The following GOLGA1 variants were observed in gnomAD, a reference collection of about 807,000 sequenced individuals.
GOLGA1 encodes the protein golgin subfamily A member 1.
In GOLGA1, 63 loss-of-function variants were observed where a neutral mutation model predicts 119.7. The ratio of observed to expected loss-of-function variants is 0.53; its 90% CI spans 0.43 to 0.65. The LOEUF (loss-of-function observed/expected upper bound fraction) is 0.65, where lower values mean the gene tolerates loss of function less well. GOLGA1 is among the 30% of genes least tolerant of loss of function. GOLGA1 has a pLI of 0.00. For missense variants in GOLGA1, 798 were observed against 912.8 expected (o/e 0.87, Z 1.62); for synonymous variants, 318 against 333.4 (o/e 0.95, Z 0.50).
chr9:124,901,301 T>TCACTCTGTCATCAGGCTGGAGTGC (rs1425173403), intron 12 of GOLGA1, among the ~76,000 whole-genome samples: 1 of 145,338 alleles, frequency 6.9e-6, no homozygotes. Flanking sequence ...AGATGGAGTG[T>TCACTCTGTCATCAGGCTGGAGTGC]CACTCTGTCA....
chr9:124,931,920 T>C (rs149811796), intron 3 of GOLGA1, among the ~76,000 whole-genome samples: 78 of 152,304 alleles, frequency 5.1e-4, no homozygotes, highest in African/African-American at 1.6e-3. Flanking sequence ...CAAACCAATA[T>C]ATTAATGAGG....
intron 15 of GOLGA1, among the ~76,000 whole-genome samples, chr9:124,896,540 A>G (rs896521019): frequency 2.6e-5 from 4 of 152,250 alleles, no homozygotes; most frequent in Non-Finnish European, 5.9e-5. Context: ...AAAGTCTCCT[A>G]AACAGTCTTC....
intron 12 of GOLGA1, among the ~76,000 whole-genome samples, chr9:124,906,044 C>T (rs540667596): frequency 1.3e-5 from 2 of 151,594 alleles, no homozygotes; most frequent in South Asian, 4.2e-4. Flanking sequence ...ACCTGGGAGG[C>T]GGAGGTTGCA....
intron 15 of GOLGA1, among the ~76,000 whole-genome samples, chr9:124,891,821 T>C (rs898276817): frequency 6.6e-6 from 1 of 151,640 alleles, no homozygotes; most frequent in Non-Finnish European, 1.5e-5. Flanking sequence ...ATTTTTGTAT[T>C]TTTAGTAGAG....
At chr9:124,900,754 T>C (rs1335583687) in intron 12 of GOLGA1, among the ~76,000 whole-genome samples, 3 of 152,366 alleles carry the variant, frequency 2.0e-5, no homozygotes, top group African/African-American at 7.2e-5. Context: ...CTTTTGTTTA[T>C]AGCTTTATAT....
upstream of GOLGA1, chr9:124,943,743 T>C (rs527267506): frequency 3.3e-5 from 5 of 152,320 alleles, no homozygotes; most frequent in African/African-American, 1.2e-4. Context: ...ACATAACTTA[T>C]TTTAACTCCT....
rs1438377793 is a variant in GOLGA1, at chr9:124,897,275, T to C, written c.1407+1274A>G. Among the ~76,000 whole-genome samples the C allele has an allele frequency of 2.0e-5, 3 of 152,360 alleles. No homozygotes were observed. The East Asian group carries it at 5.8e-4, about 29-fold the overall frequency. On this transcript the variant is annotated intron_variant, in intron 15 of 22. Coordinates refer to ENST00000373555, the MANE Select transcript of GOLGA1 (RefSeq NM_002077.4). ...CATTTATTGTTAATTTGTAACTTGG[T>C]TACCATCTCTAGTTACAAACTCCAC... is the stretch of plus-strand genomic sequence containing the variant.
At chr9:124,914,480 G>A (rs1001713282) in intron 10 of GOLGA1, among the ~76,000 whole-genome samples, 10 of 151,910 alleles carry the variant, frequency 6.6e-5, no homozygotes, top group Admixed American at 6.6e-4. Context: ...CAGCCTGAGC[G>A]AGGAGCGACA....
chr9:124,883,288 CCTT>C lies in GOLGA1; in HGVS notation c.1906-722_1906-720del, dbSNP rs1399351299. On this transcript the variant is annotated intron_variant, in intron 19 of 22. Coordinates refer to ENST00000373555, the MANE Select transcript of GOLGA1 (RefSeq NM_002077.4). The stretch of plus-strand genomic sequence containing the variant: ...ATTTTTGTCTTTTTCTTCTTCTTCT[CCTT>C]CTTTTTTTTTTAAGATGGAGTTTCA... 6.7e-5 allele frequency among the ~76,000 whole-genome samples: 10 copies of C among 148,582 alleles called. No homozygotes were observed. The South Asian group carries it at 8.6e-4, about 13-fold the overall frequency.
intron 10 of GOLGA1, among the ~76,000 whole-genome samples, chr9:124,919,661 T>A (rs184708071): frequency 1.3e-5 from 2 of 152,298 alleles, no homozygotes; most frequent in Non-Finnish European, 1.5e-5. Flanking sequence ...AATCTTACTG[T>A]ACTGTAATTA....
At position 124,899,348 on chromosome 9, in the gene GOLGA1, G is replaced by A; in HGVS notation, c.1292C>T (p.Thr431Ile). Residue 431 changes from threonine to isoleucine, a missense_variant, in exon 14 of 23, where the codon ACC (threonine) becomes ATC (isoleucine). Thr to Ile is a moderately conservative substitution (Grantham distance 89). Coordinates refer to ENST00000373555, the MANE Select transcript of GOLGA1 (RefSeq NM_002077.4). ...ACTCACCATCCCTTGCTCTGCGGTGGTCTGGTCAGCTGCCCGCGTTCTCTC... is the reference window on the plus strand; with the variant it reads ...ACTCACCATCCCTTGCTCTGCGGTGATCTGGTCAGCTGCCCGCGTTCTCTC... ...ALERTRAADQ[T>I]TAEQGMRQLE... 6.5e-7 allele frequency: 1 copy of A among 1,549,424 alleles called. No homozygotes were observed. The highest frequency in any genetic ancestry group is 8.7e-7 in the Non-Finnish European group (1 of 1,146,900).
chr9:124,890,384 C>T lies in GOLGA1; in HGVS notation c.1497+5G>A. 1 of 1,594,604 alleles carries T rather than the reference C, an allele frequency of 6.3e-7. No homozygotes were observed. The highest frequency in any genetic ancestry group is 8.6e-7 in the Non-Finnish European group (1 of 1,162,270). On this transcript the variant is annotated splice_donor_5th_base_variant and intron_variant, in intron 16 of 22. Transcript: ENST00000373555. ...CATCGCCCCTCAGCGTGAAACAGGG[C>T]CCACCTGTTGCTGGAACTCTTCCCT...
chr9:124,945,570 T>G (rs1306553775), upstream of GOLGA1: 1 of 152,054 alleles, frequency 6.6e-6, no homozygotes, highest in African/African-American at 2.4e-5. Flanking sequence ...AAAAAAATTA[T>G]TAATTTTTAA....
intron 4 of GOLGA1, among the ~76,000 whole-genome samples, chr9:124,930,264 T>C (rs1351054364): frequency 6.6e-6 from 1 of 152,176 alleles, no homozygotes; most frequent in East Asian, 1.9e-4. Flanking sequence ...CTCTCCAACA[T>C]TAAACAAATG....
intron 7 of GOLGA1, among the ~76,000 whole-genome samples, chr9:124,924,648 A>AG (rs1391523420): frequency 2.6e-5 from 4 of 151,140 alleles, no homozygotes; most frequent in Admixed American, 6.6e-5. Flanking sequence ...AAAAAAAAAA[A>AG]AAAGAAAAAA....
At chr9:124,891,594 A>C (rs1349323977) in intron 15 of GOLGA1, among the ~76,000 whole-genome samples, 4 of 150,742 alleles carry the variant, frequency 2.7e-5, no homozygotes, top group Admixed American at 2.6e-4. Flanking sequence ...CAAATAATCC[A>C]CCTCAGGCTT....
intron 12 of GOLGA1, among the ~76,000 whole-genome samples, chr9:124,902,448 C>T (rs1418050689): frequency 6.6e-6 from 1 of 150,874 alleles, no homozygotes; most frequent in Non-Finnish European, 1.5e-5. Context: ...ACAAGGAAGG[C>T]TGTATGCAGC....
chr9:124,882,371 T>G, intron 20 of GOLGA1, 139 bp downstream of exon 20: 1 of 662,930 alleles, frequency 1.5e-6, no homozygotes, highest in African/African-American at 1.8e-5. Flanking sequence ...CCAGCTAACG[T>G]TGGATTGCCC....
Position 124,881,346 on chromosome 9 carries a change from T to A in GOLGA1, c.2137-89A>T. 3.8e-6 allele frequency: 3 copies of A among 791,992 alleles called. No homozygotes were observed. The Admixed American group carries it at 5.2e-5, about 14-fold the overall frequency. The allele number at this position is 791,992 out of a possible 1,614,324, so 49.1% of individuals were successfully genotyped here. A position where few individuals can be genotyped will look rare whatever the true frequency, so the allele number is the denominator to read the frequency against. On this transcript the variant is annotated intron_variant, in intron 21 of 22. Transcript: ENST00000373555. This position sits in a 1 kb window ranked among gnomAD's most constrained non-coding sequence, Gnocchi z 4.9. ...GAGCTACGTGGCATTTCCTGCTTGC[T>A]TTGGTTAGCAGGACCAGGTGGTGGG...
Sources: gnomAD v4.1 joint callset for allele counts (sites outside exome capture counted in the v4.1 genomes callset) on GRCh38, gnomAD v4.1.1 for gene constraint, Gnocchi (gnomAD v3.1) non-coding constraint, MANE v1.5 for transcripts, NCBI Gene and HGNC (gene_info 2026-07-23, HGNC 2026-07-21) for gene names.